Variants in NOTCH2 observed in about 807,000 individuals in gnomAD.
NOTCH2 encodes neurogenic locus notch homolog protein 2.
In NOTCH2, 29 loss-of-function variants were observed where a neutral mutation model predicts 235.8. The ratio of observed to expected loss-of-function variants is 0.12; its 90% CI spans 0.09 to 0.17. The LOEUF (loss-of-function observed/expected upper bound fraction) is 0.17, where lower values mean the gene tolerates loss of function less well. Ranked by LOEUF, NOTCH2 falls within the 10% of genes least tolerant of loss-of-function variation. The pLI, the probability that NOTCH2 is intolerant of heterozygous loss-of-function variation, is 1.00. For missense variants in NOTCH2, 2,285 were observed against 3,150.2 expected (o/e 0.73, Z 6.57); for synonymous variants, 1,086 against 1,141.5 (o/e 0.95, Z 0.98).
At chr1:119,935,278 A>G (rs1648671576) in intron 22 of NOTCH2, 194 bp downstream of exon 22, 3 of 1,515,186 alleles carry the variant, frequency 2.0e-6, no homozygotes, top group East Asian at 2.3e-5. Flanking sequence ...AAAACTGACA[A>G]CATAAACCAC....
chr1:119,942,921 G>A (rs999733117), intron 17 of NOTCH2, among the ~76,000 whole-genome samples: 2 of 144,924 alleles, frequency 1.4e-5, no homozygotes, highest in Non-Finnish European at 3.0e-5. Context: ...TGCCCCGGCT[G>A]GAGTGCAGTG....
intron 1 of NOTCH2, among the ~76,000 whole-genome samples, chr1:120,051,252 C>CACAT (rs1654977948): frequency 1.9e-5 from 2 of 103,288 alleles, no homozygotes; most frequent in Non-Finnish European, 3.4e-5. Context: ...CACACACACA[C>CACAT]ACACACACAC....
intron 3 of NOTCH2, among the ~76,000 whole-genome samples, chr1:119,998,686 T>A (rs1278935790): frequency 6.6e-6 from 1 of 150,654 alleles, no homozygotes; most frequent in Non-Finnish European, 1.5e-5. Flanking sequence ...CCTTGAATTT[T>A]TATTATTATT....
At position 120,049,373 on chromosome 1, in the gene NOTCH2, G is replaced by A. The variant is rs1208568574; in HGVS notation, c.74-19386C>T. Among the ~76,000 whole-genome samples the A allele has an allele frequency of 1.5e-4, 6 of 40,200 alleles. No individual in the cohort carries two copies. In the East Asian group the frequency reaches 4.3e-3, roughly 29 times the overall value. The allele number at this position is 40,200 out of a possible 152,430, so 26.4% of individuals were successfully genotyped here. A position where few individuals can be genotyped will look rare whatever the true frequency, so the allele number is the denominator to read the frequency against. Reference sequence around the variant, plus strand: ...CGCTTTTTAGAAATGCAATCTACCAGGTCCCGCTCCAGACCTACCAGATCA... The same window carrying A: ...CGCTTTTTAGAAATGCAATCTACCAAGTCCCGCTCCAGACCTACCAGATCA... On this transcript the variant is annotated intron_variant, in intron 1 of 33. Transcript: ENST00000256646.
At chr1:119,971,471 A>G (rs1163355498) in intron 5 of NOTCH2, among the ~76,000 whole-genome samples, 1 of 152,236 alleles carries the variant, frequency 6.6e-6, no homozygotes, top group Non-Finnish European at 1.5e-5. Context: ...ACTTTGCCAC[A>G]TAGACCAAAA....
chr1:119,915,837 G>A lies in NOTCH2; in HGVS notation c.6885C>T (p.Thr2295=), dbSNP rs2101142749. Residue 2295 remains threonine (T), a synonymous_variant, in exon 34 of 34, where the codon ACC becomes ACT. Coordinates refer to ENST00000256646, the MANE Select transcript of NOTCH2 (RefSeq NM_024408.4). ...TGGGGGGCAAGGGCTCCCGAGGGGT[G>A]GTTATGTGCTTCCCTTCAGGTGGCC... is the stretch of plus-strand genomic sequence containing the variant. ...QSRPPEGKHI[T]TPREPLPPIV... 6.2e-7 allele frequency: 1 copy of A among 1,614,164 alleles called. No individual in the cohort carries two copies. The highest frequency in any genetic ancestry group is 8.5e-7 in the Non-Finnish European group (1 of 1,180,016).
intron 7 of NOTCH2, 110 bp downstream of exon 7, chr1:119,967,967 C>A: frequency 8.2e-7 from 1 of 1,222,068 alleles, no homozygotes; most frequent in Non-Finnish European, 1.2e-6. Context: ...CAAGAGTAAT[C>A]TGAGGTTTGG....
chr1:120,012,745 G>C (rs1310384759), intron 2 of NOTCH2, among the ~76,000 whole-genome samples: 1 of 152,110 alleles, frequency 6.6e-6, no homozygotes, highest in African/African-American at 2.4e-5. Flanking sequence ...TCTTCACCTA[G>C]ACCTTGCAAT....
At chr1:119,960,385 A>G (rs782303566) in intron 11 of NOTCH2, among the ~76,000 whole-genome samples, 10 of 151,574 alleles carry the variant, frequency 6.6e-5, no homozygotes, top group Non-Finnish European at 1.3e-4. Flanking sequence ...TGCCCAGATG[A>G]ATGGAAGAGT....
Position 119,912,020 on chromosome 1 carries a change from G to A in NOTCH2, c.*3286C>T. On this transcript the variant is annotated 3_prime_UTR_variant, in exon 34 of 34. Coordinates refer to ENST00000256646, the MANE Select transcript of NOTCH2 (RefSeq NM_024408.4). ...CATGAGGTAACACTGCCAGGCCATG[G>A]ATGCAGTATTGGAAAATAAAAAATA... 4.3e-6 allele frequency: 1 copy of A among 233,612 alleles called. No homozygotes were observed. Among genetic ancestry groups the A allele is most frequent in the Non-Finnish European group, 8.5e-6 (1 of 118,030 alleles). 14.5% of individuals were successfully genotyped at this position (233,612 alleles called of 1,614,324 possible). A position where few individuals can be genotyped will look rare whatever the true frequency, so the allele number is the denominator to read the frequency against.
At chr1:120,005,725 G>A in intron 2 of NOTCH2, 137 bp from the exon 3 acceptor site, 1 of 569,672 alleles carries the variant, frequency 1.8e-6, no homozygotes, top group Non-Finnish European at 3.0e-6. Context: ...CTATAAAACT[G>A]CTTCCCTTTA....
At chr1:119,920,513 A>G (rs758288627) in intron 29 of NOTCH2, 116 bp from the exon 30 acceptor site, 9 of 1,132,428 alleles carry the variant, frequency 7.9e-6, no homozygotes, top group Non-Finnish European at 1.2e-5. Flanking sequence ...CTCTCTTCCT[A>G]CTCCTCCACC....
rs2101154608 is a variant in NOTCH2, at chr1:119,922,373, A to T, written c.5076T>A (p.Ile1692=). 1 of 1,614,208 alleles carries T rather than the reference A, an allele frequency of 6.2e-7. No homozygotes were observed. The highest frequency in any genetic ancestry group is 8.5e-7 in the Non-Finnish European group (1 of 1,180,034). The change falls in exon 28 of 34, where the codon ATT becomes ATA. Residue 1692 remains isoleucine, a synonymous_variant. Coordinates refer to ENST00000256646, the MANE Select transcript of NOTCH2 (RefSeq NM_024408.4). ...TTGCCATGATTACCCCCAGCAGAAT[A>T]ATAAACAGAATGATGACAACAGCAA... ...LAVAVVIILF[I]ILLGVIMAKR... is the part of the protein sequence containing the mutation.
intron 11 of NOTCH2, among the ~76,000 whole-genome samples, chr1:119,963,175 GT>G (rs68151853): frequency 0.042 from 5,876 of 139,064 alleles, 211 homozygotes; most frequent in South Asian, 0.12. Flanking sequence ...AAGAAGGAAG[GT>G]AGGTAGGAAG....
intron 22 of NOTCH2, among the ~76,000 whole-genome samples, chr1:119,932,617 A>ATCTG (rs1393484179): frequency 6.6e-6 from 1 of 151,460 alleles, no homozygotes; most frequent in Non-Finnish European, 1.5e-5. Flanking sequence ...ATATCTATCT[A>ATCTG]TCTATCTATC....
intron 3 of NOTCH2, among the ~76,000 whole-genome samples, chr1:120,002,968 TG>T (rs1165484956): frequency 2.6e-4 from 39 of 148,858 alleles, no homozygotes; most frequent in Admixed American, 1.4e-3. Context: ...GGTAGATTTG[TG>T]GTGGTTAAAA....
At chr1:119,994,834 A>G (rs1190740097) in intron 4 of NOTCH2, 1 of 109,708 alleles carries the variant, frequency 9.1e-6, no homozygotes, top group Non-Finnish European at 1.9e-5. Context: ...TGAATCACTT[A>G]ACATCTCCAA....
intron 5 of NOTCH2, among the ~76,000 whole-genome samples, chr1:119,972,588 T>C (rs781926786): frequency 1.9e-4 from 29 of 152,200 alleles, no homozygotes; most frequent in South Asian, 2.1e-4. Flanking sequence ...TGAAATAATG[T>C]AGCAAGACAA....
chr1:119,955,516 A>C (rs1650655911), intron 12 of NOTCH2, among the ~76,000 whole-genome samples: 1 of 152,242 alleles, frequency 6.6e-6, no homozygotes, highest in African/African-American at 2.4e-5. Flanking sequence ...AAACTTCACA[A>C]GGTTCTAAGA....
Sources: gnomAD v4.1 joint callset for allele counts (sites outside exome capture counted in the v4.1 genomes callset) on GRCh38, gnomAD v4.1.1 for gene constraint, MANE v1.5 for transcripts, NCBI Gene and HGNC (gene_info 2026-07-23, HGNC 2026-07-21) for gene names.